CPN1: variants seen among roughly 807,000 people sequenced by gnomAD.
CPN1 encodes carboxypeptidase N catalytic chain.
Under a neutral mutation model 46.4 loss-of-function variants are expected in CPN1, and 37 were observed. The ratio of observed to expected loss-of-function variants is 0.80; its 90% CI spans 0.61 to 1.05. CPN1 has a LOEUF of 1.05. Among genes scored for constraint, CPN1 ranks in the 50% least tolerant of loss-of-function variants. The pLI is 0.00. For missense variants in CPN1, 563 were observed against 602.6 expected (o/e 0.93, Z 0.69); for synonymous variants, 224 against 235.4 (o/e 0.95, Z 0.44).
intron 3 of CPN1, 57 bp downstream of exon 3, chr10:100,069,655 TTC>T: frequency 1.2e-6 from 2 of 1,605,094 alleles, no homozygotes; most frequent in South Asian, 2.2e-5. Context: ...TTAGCAGTCT[TTC>T]TGCAAGAAAT....
intron 3 of CPN1, among the ~76,000 whole-genome samples, chr10:100,069,222 G>T (rs1326407451): frequency 1.3e-5 from 2 of 152,122 alleles, no homozygotes; most frequent in South Asian, 2.1e-4. Flanking sequence ...GGTGGCTCAC[G>T]CCTGTAATCC....
At chr10:100,054,841 CT>C (rs56250435) in intron 6 of CPN1, among the ~76,000 whole-genome samples, 12,592 of 132,668 alleles carry the variant, frequency 0.095, 667 homozygotes, top group African/African-American at 0.19. Flanking sequence ...TTCTTTCTTT[CT>C]TTTTTTTTTT....
Position 100,048,764 on chromosome 10 carries a change from T to C in CPN1, c.1224A>G (p.Pro408=), listed in dbSNP as rs1375852106. ...TVTVTVGPAE[P]TLVNFHLKRS... Reference sequence around the variant, plus strand: ...CAAGCTCAGCCTAACTCACCAACGTTGGTTCCGCAGGACCCACGGTCACAG... The same window carrying C: ...CAAGCTCAGCCTAACTCACCAACGTCGGTTCCGCAGGACCCACGGTCACAG... Residue 408 remains proline (P), a synonymous_variant, in exon 8 of 9, where the codon CCA becomes CCG. Transcript: ENST00000370418. 6.2e-7 allele frequency: 1 copy of C among 1,611,246 alleles called. No homozygotes were observed. Among genetic ancestry groups the C allele is most frequent in the Non-Finnish European group, 8.5e-7 (1 of 1,177,636 alleles).
At chr10:100,043,450 T>C (rs1301316516) in intron 8 of CPN1, among the ~76,000 whole-genome samples, 3 of 151,736 alleles carry the variant, frequency 2.0e-5, no homozygotes, top group Non-Finnish European at 2.9e-5. Context: ...ACATCAAATA[T>C]GATTTCACCA....
rs189467643 is a variant in CPN1 at position 100,067,872 on chromosome 10, G to T, written c.576+1842C>A. Among the ~76,000 whole-genome samples the T allele has an allele frequency of 1.6e-3, 236 of 152,158 alleles. 2 individuals are homozygous for T. The highest frequency in any genetic ancestry group is 5.5e-3 in the African/African-American group (228 of 41,534). ...AAAGGTCATATAGAAGGGGAAAAGG[G>T]GCCAGGTGTGGTGGCTCACACCTGT... On this transcript the variant is annotated intron_variant, in intron 3 of 8. Transcript: ENST00000370418.
chr10:100,069,155 ACTG>A (rs1214187500), intron 3 of CPN1, among the ~76,000 whole-genome samples: 2 of 152,198 alleles, frequency 1.3e-5, no homozygotes, highest in African/African-American at 4.8e-5. Flanking sequence ...ACCAAATGAT[ACTG>A]CTTTCATATC....
chr10:100,054,635 G>C (rs556133040), intron 6 of CPN1, among the ~76,000 whole-genome samples, 189 bp from the exon 7 acceptor site: 1 of 152,206 alleles, frequency 6.6e-6, no homozygotes, highest in Admixed American at 6.5e-5. Flanking sequence ...AGAGTGGTCA[G>C]AGCGTTCCTG....
At chr10:100,058,028 A>G (rs1424012065) in intron 5 of CPN1, among the ~76,000 whole-genome samples, 3 of 151,758 alleles carry the variant, frequency 2.0e-5, no homozygotes, top group Non-Finnish European at 2.9e-5. Context: ...TCTTTTCTTC[A>G]TCAACTTCTA....
intron 7 of CPN1, among the ~76,000 whole-genome samples, chr10:100,051,505 G>GT (rs1165302988): frequency 1.6e-4 from 24 of 151,872 alleles, no homozygotes; most frequent in Non-Finnish European, 8.8e-5. Context: ...TTTACAATGG[G>GT]TTTTTTCCCT....
intron 6 of CPN1, among the ~76,000 whole-genome samples, chr10:100,055,899 C>T (rs558143867): frequency 1.6e-4 from 25 of 152,354 alleles, no homozygotes; most frequent in Admixed American, 1.4e-3. Context: ...CAGTCATCCA[C>T]CAATGAACAC....
Position 100,042,451 on chromosome 10 carries a change from C to T in CPN1, c.1353G>A (p.Arg451=), listed in dbSNP as rs778895556. The T allele has an allele frequency of 1.9e-6, 3 of 1,613,536 alleles. No individual in the cohort carries two copies. The highest frequency in any genetic ancestry group is 1.7e-6 in the Non-Finnish European group (2 of 1,179,994). ...TTCAGGCAGGGCCTCTCTGCAGCTG[C>T]CTCATCTCCATTTCTTTCTTTCTGG... ...PQARKKEMEM[R]QLQRGPA is the part of the protein sequence containing the mutation. The change falls in exon 9 of 9, where the codon AGG becomes AGA. Residue 451 remains arginine (R), a synonymous_variant. Coordinates refer to ENST00000370418, the MANE Select transcript of CPN1 (RefSeq NM_001308.3).
intron 4 of CPN1, among the ~76,000 whole-genome samples, chr10:100,063,968 GTGTA>G (rs1262846936): frequency 1.3e-5 from 2 of 152,202 alleles, no homozygotes; most frequent in Non-Finnish European, 2.9e-5. Context: ...GTCTAAGAGA[GTGTA>G]TGTGTGGTAG....
At chr10:100,058,106 C>CCT (rs2041395665) in intron 5 of CPN1, among the ~76,000 whole-genome samples, 1 of 152,042 alleles carries the variant, frequency 6.6e-6, no homozygotes, top group South Asian at 2.1e-4. Flanking sequence ...AGTTCACATG[C>CCT]CTCTCTCTCT....
At chr10:100,073,416 G>A (rs1188813565) in intron 2 of CPN1, among the ~76,000 whole-genome samples, 1 of 152,116 alleles carries the variant, frequency 6.6e-6, no homozygotes, top group Non-Finnish European at 1.5e-5. Flanking sequence ...CTAACAGAAG[G>A]TTTCATAAAC....
intron 8 of CPN1, among the ~76,000 whole-genome samples, chr10:100,047,902 G>A (rs2041324367): frequency 6.6e-6 from 1 of 152,054 alleles, no homozygotes; most frequent in South Asian, 2.1e-4. Flanking sequence ...TGAGGCAGGA[G>A]AATCACTTAA....
At chr10:100,069,917 T>C (rs766407098) in intron 2 of CPN1, 48 bp from the exon 3 acceptor site, 2 of 1,608,820 alleles carry the variant, frequency 1.2e-6, no homozygotes, top group Non-Finnish European at 1.7e-6. Flanking sequence ...GATTGAATAC[T>C]ATATTTTCTA....
intron 3 of CPN1, 80 bp downstream of exon 3, chr10:100,069,634 G>A (rs1422958615): frequency 1.3e-6 from 2 of 1,541,472 alleles, no homozygotes; most frequent in African/African-American, 1.4e-5. Flanking sequence ...TTTAGTTGAT[G>A]TAAAGATGGC....
rs771937792 is a variant in CPN1, at chr10:100,069,889, T to C, written c.421-20A>G. On this transcript the variant is annotated intron_variant, in intron 2 of 8. Transcript: ENST00000370418. Reference sequence around the variant, plus strand: ...TGGGCCCTAAAGGAAAATGAAAAGATGAAAAATGAAGGTTTCAGATTGAAT... The same window carrying C: ...TGGGCCCTAAAGGAAAATGAAAAGACGAAAAATGAAGGTTTCAGATTGAAT... The C allele has an allele frequency of 5.6e-6, 9 of 1,613,574 alleles. No individual in the cohort carries two copies. The highest frequency in any genetic ancestry group is 4.2e-6 in the Non-Finnish European group (5 of 1,179,930).
intron 2 of CPN1, among the ~76,000 whole-genome samples, chr10:100,070,990 T>C (rs956402798): frequency 6.6e-5 from 10 of 152,216 alleles, no homozygotes; most frequent in African/African-American, 2.4e-4. Flanking sequence ...TATCTCTCCT[T>C]AGACTTGCCT....
Sources: allele counts gnomAD v4.1 joint callset (sites outside exome capture counted in the v4.1 genomes callset), GRCh38; gene constraint gnomAD v4.1.1; transcripts MANE v1.5; gene names NCBI Gene and HGNC (gene_info 2026-07-23, HGNC 2026-07-21).